Variants in NCF2 observed in about 807,000 individuals in gnomAD.
The protein encoded by NCF2 is neutrophil cytosolic factor 2, also known as neutrophil cytosol factor 2.
NCF2 carries 45 observed loss-of-function variants against 70.9 expected under a neutral mutation model. The ratio of observed to expected loss-of-function variants is 0.63; its 90% confidence interval spans 0.50 to 0.81. The LOEUF is 0.81. NCF2 is among the 40% of genes least tolerant of loss of function. The pLI, the probability that NCF2 is intolerant of heterozygous loss-of-function variation, is 0.00. For missense variants in NCF2, 522 were observed against 631.6 expected (o/e 0.83, Z 1.86); for synonymous variants, 203 against 233.6 (o/e 0.87, Z 1.19).
chr1:183,556,383 G>A (rs2102868114), intron 14 of NCF2, among the ~76,000 whole-genome samples, 153 bp from the exon 15 acceptor site: 1 of 152,328 alleles, frequency 6.6e-6, no homozygotes, highest in African/African-American at 2.4e-5. Context: ...TGGTTTGAGA[G>A]TGAACACAGG....
At chr1:183,568,268 G>A (rs1276153353) in intron 7 of NCF2, among the ~76,000 whole-genome samples, 2 of 151,824 alleles carry the variant, frequency 1.3e-5, no homozygotes, top group Non-Finnish European at 2.9e-5. Flanking sequence ...GTGCAAGTGA[G>A]CCTCCTGCCT....
the NCF2 span, among the ~76,000 whole-genome samples, chr1:183,599,478 CTTTCTCTTTTCTTT>C: frequency 2.2e-4 from 27 of 125,368 alleles, 1 homozygote; most frequent in African/African-American, 8.4e-4. Context: ...TTCTTTCTTT[CTTTCTCTTTTCTTT>C]CTTTCTCTTT....
intron 9 of NCF2, 130 bp downstream of exon 9, chr1:183,566,790 G>T: frequency 8.5e-7 from 1 of 1,181,256 alleles, no homozygotes; most frequent in Non-Finnish European, 1.2e-6. Flanking sequence ...GCCATCTCAA[G>T]GCGGGCTCAA....
At chr1:183,563,741 C>A in intron 11 of NCF2, 156 bp from the exon 12 acceptor site, 1 of 952,628 alleles carries the variant, frequency 1.0e-6, no homozygotes. Flanking sequence ...AAAAGGCCTT[C>A]AGAGGTCCTT....
At chr1:183,581,858 A>G (rs370123014) in intron 2 of NCF2, among the ~76,000 whole-genome samples, 13 of 152,126 alleles carry the variant, frequency 8.5e-5, no homozygotes, top group South Asian at 6.2e-4. Context: ...TAGTAGAGCC[A>G]GGGTTTCACC....
intron 5 of NCF2, among the ~76,000 whole-genome samples, chr1:183,571,861 C>T (rs979679978): frequency 2.0e-5 from 3 of 152,216 alleles, no homozygotes; most frequent in African/African-American, 7.2e-5. Context: ...TGTGGCCTTT[C>T]GTATCTGGCT....
At chr1:183,573,133 C>T in intron 5 of NCF2, 52 bp downstream of exon 5, 1 of 1,552,946 alleles carries the variant, frequency 6.4e-7, no homozygotes, top group Non-Finnish European at 8.9e-7. Flanking sequence ...CACCTTGCTC[C>T]ACATGGCCCG....
chr1:183,591,396 T>G (rs554727062), upstream of NCF2, among the ~76,000 whole-genome samples: 5 of 152,330 alleles, frequency 3.3e-5, no homozygotes, highest in Admixed American at 6.5e-5. Context: ...AATATGTTAG[T>G]GTTTATCTTG....
At chr1:183,599,445 TC>T in the NCF2 span, among the ~76,000 whole-genome samples, 1 of 107,376 alleles carries the variant, frequency 9.3e-6, no homozygotes, top group Non-Finnish European at 2.0e-5. Flanking sequence ...TTTCTTTCTT[TC>T]TTTCTTTCTT....
At chr1:183,599,430 CTTTCT>C in the NCF2 span, among the ~76,000 whole-genome samples, 1 of 85,558 alleles carries the variant, frequency 1.2e-5, no homozygotes, top group African/African-American at 4.1e-5. Flanking sequence ...TTCCTTCTTT[CTTTCT>C]TTCTTTCTTT....
chr1:183,573,397 ATAGAAGCCC>A, intron 4 of NCF2, 105 bp from the exon 5 acceptor site: 1 of 1,071,184 alleles, frequency 9.3e-7, no homozygotes, highest in Non-Finnish European at 1.4e-6. Context: ...AGATAACCAC[ATAGAAGCCC>A]TTTTCCAAAT....
At chr1:183,556,698 T>C (rs1671801262) in intron 14 of NCF2, among the ~76,000 whole-genome samples, 1 of 152,104 alleles carries the variant, frequency 6.6e-6, no homozygotes, top group Non-Finnish European at 1.5e-5. Context: ...GCTTGGTTAA[T>C]TTTTGTATTT....
chr1:183,556,160 G>GTCT lies in NCF2; in HGVS notation c.1536_1538dup (p.Glu512dup). The GTCT allele has an allele frequency of 2.5e-6, 4 of 1,614,186 alleles. No individual in the cohort carries two copies. The highest frequency in any genetic ancestry group is 3.4e-6 in the Non-Finnish European group (4 of 1,180,020). On this transcript the variant is annotated inframe_insertion, in exon 15 of 15. Transcript: ENST00000367535. ...TGCTTTCCAAATCTGTAGTTGCGCA[G>GTCT]TCTTCAACAAAAACTTTGGGGAAAA...
chr1:183,594,170 C>G (rs1392255926), upstream of NCF2, among the ~76,000 whole-genome samples: 1 of 152,196 alleles, frequency 6.6e-6, no homozygotes, highest in Non-Finnish European at 1.5e-5. Flanking sequence ...AATCCCAACA[C>G]TTAGGTGGGA....
chr1:183,587,009 A>G, intron 1 of NCF2, 32 bp from the exon 2 acceptor site: 1 of 1,589,854 alleles, frequency 6.3e-7, no homozygotes, highest in Non-Finnish European at 8.6e-7. Context: ...CATGGCCATG[A>G]TGCAAGGCAG....
At chr1:183,574,342 A>T in intron 4 of NCF2, 145 bp downstream of exon 4, 1 of 1,249,806 alleles carries the variant, frequency 8.0e-7, no homozygotes, top group Non-Finnish European at 1.2e-6. Flanking sequence ...TCAAGATCTT[A>T]AGTGGAACTA....
intron 9 of NCF2, among the ~76,000 whole-genome samples, chr1:183,566,184 G>C (rs1043298690): frequency 1.3e-5 from 2 of 152,216 alleles, no homozygotes; most frequent in Admixed American, 1.3e-4. Context: ...TATGGTGACT[G>C]ACCAGGGAGG....
intron 2 of NCF2, among the ~76,000 whole-genome samples, chr1:183,579,738 CAAAA>C (rs397982209): frequency 2.6e-5 from 1 of 38,860 alleles, no homozygotes; most frequent in Non-Finnish European, 5.5e-5. Context: ...GACTCTGTCT[CAAAA>C]AAAAAAAAAA....
chr1:183,582,183 CAG>C, intron 2 of NCF2, among the ~76,000 whole-genome samples: 1 of 152,340 alleles, frequency 6.6e-6, no homozygotes, highest in East Asian at 1.9e-4. Flanking sequence ...CGCTGTGTGC[CAG>C]TGGGCCGTGC....
Sources: gnomAD v4.1 joint callset for allele counts (sites outside exome capture counted in the v4.1 genomes callset) on GRCh38, gnomAD v4.1.1 for gene constraint, MANE v1.5 for transcripts, NCBI Gene and HGNC (gene_info 2026-07-23, HGNC 2026-07-21) for gene names.